Variants in ARMC8 observed in about 807,000 individuals in gnomAD.
The protein encoded by ARMC8 is armadillo repeat-containing protein 8.
A neutral mutation model predicts 99.3 loss-of-function variants in ARMC8; 20 were observed. That is an observed-to-expected ratio of 0.20 (90% CI 0.14 to 0.29). ARMC8 has a LOEUF of 0.29. Among genes scored for constraint, ARMC8 ranks in the 10% least tolerant of loss-of-function variants. The pLI, the probability that ARMC8 is intolerant of heterozygous loss-of-function variation, is 1.00. For synonymous variants in ARMC8, 263 were observed against 278.3 expected, an observed-to-expected ratio of 0.95 and a Z score of 0.55; for missense variants, 569 against 809.5, an observed-to-expected ratio of 0.70 and a Z score of 3.60.
intron 5 of ARMC8, 91 bp from the exon 6 acceptor site, chr3:138,228,827 G>A: frequency 1.3e-6 from 1 of 776,542 alleles, no homozygotes; most frequent in Non-Finnish European, 2.1e-6. Flanking sequence ...TAAGATAAGA[G>A]ATTTGACTAC....
At chr3:138,240,607 C>G (rs1206460499) in intron 10 of ARMC8, among the ~76,000 whole-genome samples, 2 of 152,078 alleles carry the variant, frequency 1.3e-5, no homozygotes, top group African/African-American at 4.8e-5. Context: ...AGGGCCTTCC[C>G]CTTGGAAACC....
chr3:138,223,758 A>G lies in ARMC8; in HGVS notation c.435+25A>G, dbSNP rs752161286. 7 of 1,572,318 alleles carry G rather than the reference A, an allele frequency of 4.5e-6. No homozygotes were observed. The Admixed American group carries it at 5.0e-5, about 11-fold the overall frequency. On this transcript the variant is annotated intron_variant, in intron 5 of 21. Transcript: ENST00000469044. Reference sequence around the variant, plus strand: ...AGTGAGTTTTAGATGTATTTGAGACATTAGTTACATTTCACCAACAGCCTA... The same window carrying G: ...AGTGAGTTTTAGATGTATTTGAGACGTTAGTTACATTTCACCAACAGCCTA...
chr3:138,245,706 T>G, intron 12 of ARMC8: 1 of 992,150 alleles, frequency 1.0e-6, no homozygotes, highest in East Asian at 1.1e-4. Context: ...TGAGTGGTCA[T>G]CTGAATTTTC....
Position 138,289,090 on chromosome 3 carries a change from A to T in ARMC8, c.1864A>T (p.Ile622Leu). The T allele has an allele frequency of 6.2e-7, 1 of 1,613,464 alleles. No individual in the cohort carries two copies. The highest frequency in any genetic ancestry group is 8.5e-7 in the Non-Finnish European group (1 of 1,179,636). ...VKLQLAAMFC[I>L]SNLIWNEEEG... ...ACTGCAGCTTGCAGCCATGTTTTGT[A>T]TATCAAACCTCATATGGAATGAAGA... Residue 622 changes from isoleucine to leucine, a missense_variant, in exon 20 of 22, where the codon ATA becomes TTA. Transcript: ENST00000469044.
At position 138,280,184 on chromosome 3, in the gene ARMC8, A is replaced by C. The variant is rs370812523; in HGVS notation, c.1726-4247A>C. ...CTCCCAAAGTGCTGGGATTACAGACATGAGCCACTGTGCCTGGCTGGTAAT... is the reference window on the plus strand; with the variant it reads ...CTCCCAAAGTGCTGGGATTACAGACCTGAGCCACTGTGCCTGGCTGGTAAT... On this transcript the variant is annotated intron_variant, in intron 18 of 21. Transcript: ENST00000469044. Among the ~76,000 whole-genome samples, 9 of 152,210 alleles carry C rather than the reference A, an allele frequency of 5.9e-5. No individual in the cohort carries two copies. In the East Asian group the frequency reaches 1.5e-3, roughly 26 times the overall value.
At chr3:138,269,909 C>T (rs950039530) in intron 15 of ARMC8, 131 bp from the exon 16 acceptor site, 6 of 448,292 alleles carry the variant, frequency 1.3e-5, no homozygotes, top group Admixed American at 3.6e-5. Context: ...TACATCACTC[C>T]CTGCTTTGCA....
intron 18 of ARMC8, among the ~76,000 whole-genome samples, chr3:138,278,934 G>A (rs1351319729): frequency 2.0e-5 from 3 of 152,042 alleles, no homozygotes; most frequent in East Asian, 1.9e-4. Flanking sequence ...GTTATTTTGC[G>A]TGAATTACTT....
At chr3:138,212,840 C>T (rs1258394138) in intron 2 of ARMC8, among the ~76,000 whole-genome samples, 1 of 151,790 alleles carries the variant, frequency 6.6e-6, no homozygotes, top group Non-Finnish European at 1.5e-5. Context: ...AGGTAGAGGC[C>T]GAAATAGCAT....
intron 2 of ARMC8, among the ~76,000 whole-genome samples, chr3:138,210,244 T>A (rs943205313): frequency 1.1e-4 from 16 of 152,076 alleles, no homozygotes; most frequent in Non-Finnish European, 2.9e-5. Context: ...ACCAGTAGGG[T>A]TTTTTGTTTT....
At chr3:138,245,528 A>C in intron 12 of ARMC8, 3 of 1,159,048 alleles carry the variant, frequency 2.6e-6, no homozygotes, top group Non-Finnish European at 3.2e-6. Flanking sequence ...CTAACATTAG[A>C]ATTGTAAATG....
At chr3:138,229,172 A>ATATATATG (rs2045889910) in intron 6 of ARMC8, 162 bp downstream of exon 6, 1 of 37,532 alleles carries the variant, frequency 2.7e-5, no homozygotes, top group South Asian at 9.7e-4. Context: ...ATATATATAT[A>ATATATATG]TATATATATA....
chr3:138,281,298 CTT>C (rs747921351), intron 18 of ARMC8, among the ~76,000 whole-genome samples: 18 of 142,266 alleles, frequency 1.3e-4, no homozygotes, highest in African/African-American at 2.5e-4. Context: ...ATTTCTTTTT[CTT>C]TTTTTTTTTT....
At chr3:138,289,407 T>G (rs1341046485) in intron 20 of ARMC8, among the ~76,000 whole-genome samples, 2 of 152,064 alleles carry the variant, frequency 1.3e-5, no homozygotes, top group East Asian at 3.9e-4. Flanking sequence ...AGGAGGATGG[T>G]GAGATGCACT....
Position 138,222,420 on chromosome 3 carries a change from C to G in ARMC8, c.194+423C>G, listed in dbSNP as rs2045453993. Reference sequence around the variant, plus strand: ...TTTTTAATCCAGTTTCATTTTTTAACTTCTGATTTTTACAACTTGCTGTTT... The same window carrying G: ...TTTTTAATCCAGTTTCATTTTTTAAGTTCTGATTTTTACAACTTGCTGTTT... On this transcript the variant is annotated intron_variant, in intron 3 of 21. Transcript: ENST00000469044. Among the ~76,000 whole-genome samples, 4 of 152,176 alleles carry G rather than the reference C, an allele frequency of 2.6e-5. No homozygotes were observed. The South Asian group carries it at 8.3e-4, about 32-fold the overall frequency.
intron 12 of ARMC8, chr3:138,263,470 C>T (rs2047953433): frequency 2.2e-6 from 1 of 451,264 alleles, no homozygotes; most frequent in Non-Finnish European, 4.1e-6. Context: ...AGTACTTATA[C>T]CATTTAATTT....
chr3:138,223,766 C>T (rs763595858), intron 5 of ARMC8, 33 bp downstream of exon 5: 23 of 1,549,280 alleles, frequency 1.5e-5, no homozygotes, highest in Non-Finnish European at 2.0e-5. Flanking sequence ...ACATTAGTTA[C>T]ATTTCACCAA....
In ARMC8 at chr3:138,285,424, CCT is replaced by C. The variant is rs147965725; in HGVS notation, c.1821+903_1821+904del. 4.1e-3 allele frequency among the ~76,000 whole-genome samples: 630 copies of C among 152,272 alleles called. 2 individuals are homozygous for C. The highest frequency in any genetic ancestry group is 0.014 in the African/African-American group (594 of 41,560). The stretch of plus-strand genomic sequence containing the variant: ...ATTCATATCCCCAACTTATCTTATT[CCT>C]CTCTTCCTTTGTTCACTACACTGGC... On this transcript the variant is annotated intron_variant, in intron 19 of 21. Transcript: ENST00000469044.
intron 1 of ARMC8, among the ~76,000 whole-genome samples, chr3:138,205,538 G>A (rs1015349240): frequency 3.9e-5 from 6 of 152,138 alleles, no homozygotes; most frequent in Non-Finnish European, 5.9e-5. Flanking sequence ...TAGCATTACC[G>A]GTGATGGAAA....
At chr3:138,220,764 A>G (rs1211612385) in intron 2 of ARMC8, among the ~76,000 whole-genome samples, 1 of 147,768 alleles carries the variant, frequency 6.8e-6, no homozygotes, top group Non-Finnish European at 1.5e-5. Context: ...ATCTCTGCTC[A>G]CTGCAACCTC....
Sources: gnomAD v4.1 joint callset for allele counts (sites outside exome capture counted in the v4.1 genomes callset) on GRCh38, gnomAD v4.1.1 for gene constraint, MANE v1.5 for transcripts, NCBI Gene and HGNC (gene_info 2026-07-23, HGNC 2026-07-21) for gene names.